PPM1A: variants seen among roughly 807,000 people sequenced by gnomAD.
PPM1A encodes the protein protein phosphatase, Mg2+/Mn2+ dependent 1A, also known as protein phosphatase 1A.
Under a neutral mutation model 35.0 loss-of-function variants are expected in PPM1A, and 7 were observed. That is an observed-to-expected ratio of 0.20 (90% CI 0.11 to 0.38). The LOEUF is 0.38. Ranked by LOEUF, PPM1A falls within the 10% of genes least tolerant of loss-of-function variation. The pLI is 1.00. For synonymous variants in PPM1A, 153 were observed against 167.3 expected, an observed-to-expected ratio of 0.91 and a Z score of 0.66; for missense variants, 239 against 467.8, an observed-to-expected ratio of 0.51 and a Z score of 4.51.
intron 1 of PPM1A, among the ~76,000 whole-genome samples, chr14:60,274,109 G>A (rs1323501735): frequency 6.6e-6 from 1 of 152,154 alleles, no homozygotes; most frequent in African/African-American, 2.4e-5. Flanking sequence ...ATGTTTAATG[G>A]CTTGGGAGAT....
Position 60,291,464 on chromosome 14 carries a change from AT to A in PPM1A, c.1119+14del. On this transcript the variant is annotated intron_variant, in intron 5 of 5. Coordinates refer to ENST00000395076, the MANE Select transcript of PPM1A (RefSeq NM_021003.5). The stretch of plus-strand genomic sequence containing the variant: ...CAAAAATGACGACACTGTAAGTAGC[AT>A]TTTAGCTCCCTCTGCTTTCCCTTCC... 1 of 1,566,996 alleles carries A rather than the reference AT, an allele frequency of 6.4e-7. No individual in the cohort carries two copies. The highest frequency in any genetic ancestry group is 8.7e-7 in the Non-Finnish European group (1 of 1,148,400).
At chr14:60,286,822 A>G (rs1337183495) in intron 3 of PPM1A, 1 of 983,154 alleles carries the variant, frequency 1.0e-6, no homozygotes, top group Non-Finnish European at 1.2e-6. Context: ...TACATCTAGT[A>G]TGTGTTTGTA....
upstream of PPM1A, among the ~76,000 whole-genome samples, chr14:60,247,503 G>C (rs934807797): frequency 1.3e-5 from 2 of 151,720 alleles, no homozygotes; most frequent in African/African-American, 4.8e-5. Flanking sequence ...GGTGGCAGGC[G>C]CCTGTAGTCC....
At chr14:60,290,192 A>G (rs948103673) in intron 4 of PPM1A, among the ~76,000 whole-genome samples, 2 of 152,216 alleles carry the variant, frequency 1.3e-5, no homozygotes, top group Non-Finnish European at 2.9e-5. Flanking sequence ...TACTGAAAGA[A>G]CTTTTTAAAC....
chr14:60,257,596 T>C (rs1883280852), intron 1 of PPM1A, among the ~76,000 whole-genome samples: 1 of 152,214 alleles, frequency 6.6e-6, no homozygotes, highest in Admixed American at 6.5e-5. Flanking sequence ...AAAGAATATG[T>C]TATTCAAGAA....
upstream of PPM1A, chr14:60,245,768 G>C: frequency 7.8e-7 from 1 of 1,278,132 alleles, no homozygotes; most frequent in African/African-American, 1.5e-5. The surrounding 1 kb of genome is among the most constrained non-coding windows in gnomAD (Gnocchi z 4.2). Flanking sequence ...TTATGATGTA[G>C]GGGAGGGAGG....
rs1317198518 is a variant in PPM1A, at chr14:60,282,344, C to T, written c.-20-340C>T. On this transcript the variant is annotated intron_variant, in intron 1 of 5. Transcript: ENST00000395076. This position sits in a 1 kb window ranked among gnomAD's most constrained non-coding sequence, Gnocchi z 5.1. ...TGGCTTTTCTTAATTGATATACATACAACTTAGTCCTGAGCTTACACATGT... is the reference window on the plus strand; with the variant it reads ...TGGCTTTTCTTAATTGATATACATATAACTTAGTCCTGAGCTTACACATGT... Among the ~76,000 whole-genome samples, 1 of 152,222 alleles carries T rather than the reference C, an allele frequency of 6.6e-6. No individual in the cohort carries two copies. The highest frequency in any genetic ancestry group is 2.4e-5 in the African/African-American group (1 of 41,442).
chr14:60,285,539 C>G (rs1210955398), intron 2 of PPM1A, 85 bp from the exon 3 acceptor site: 1 of 1,351,702 alleles, frequency 7.4e-7, no homozygotes, highest in Non-Finnish European at 1.0e-6. Context: ...ACAAGTATAA[C>G]TGTAATTGGC....
intron 4 of PPM1A, 106 bp downstream of exon 4, chr14:60,290,020 T>C (rs769404549): frequency 2.7e-6 from 2 of 747,538 alleles, no homozygotes; most frequent in Non-Finnish European, 4.2e-6. Flanking sequence ...GATGCAGTTA[T>C]CTGTGTTTTA....
At chr14:60,263,612 T>G (rs2139395909) in intron 1 of PPM1A, among the ~76,000 whole-genome samples, 1 of 152,300 alleles carries the variant, frequency 6.6e-6, no homozygotes, top group South Asian at 2.1e-4. Flanking sequence ...AGTGTACCCA[T>G]CACCCAAATA....
intron 3 of PPM1A, chr14:60,287,243 G>C: frequency 1.0e-6 from 1 of 959,080 alleles, no homozygotes; most frequent in African/African-American, 1.8e-5. Flanking sequence ...ACGTTATTTT[G>C]TTACAATAAT....
In PPM1A at chr14:60,289,844, G is replaced by A. The variant is rs139415594; in HGVS notation, c.991G>A (p.Val331Ile). 4.4e-5 allele frequency: 70 copies of A among 1,604,510 alleles called. No homozygotes were observed. Among genetic ancestry groups the A allele is most frequent in the Middle Eastern group, 1.7e-4 (1 of 6,056 alleles). ...GCAGGGGGAAGGCGTCCCCGACTTA[G>A]TCCATGTGATGCGCACATTAGCGAG... ...KKQGEGVPDLVHVMRTLASEN... is the reference protein window; with the variant it reads ...KKQGEGVPDLIHVMRTLASEN... Residue 331 changes from valine (V) to isoleucine (I), a missense_variant, in exon 4 of 6, where the codon GTC becomes ATC. Transcript: ENST00000395076. This position sits in a 1 kb window ranked among gnomAD's most constrained non-coding sequence, Gnocchi z 4.1.
intron 3 of PPM1A, chr14:60,286,814 C>A: frequency 1.0e-6 from 1 of 982,512 alleles, no homozygotes; most frequent in Non-Finnish European, 1.2e-6. Flanking sequence ...GATAGTCATA[C>A]ATCTAGTATG....
rs1010312388 is a variant in PPM1A, at chr14:60,286,288, T to C, written c.952+547T>C. ...CATAAACTGTCTCACCTAAACAAGA[T>C]AGACCTCAATAAAAGACATAATATT... On this transcript the variant is annotated intron_variant, in intron 3 of 5. Coordinates refer to ENST00000395076, the MANE Select transcript of PPM1A (RefSeq NM_021003.5). The C allele has an allele frequency of 1.7e-5, 17 of 985,732 alleles. No individual in the cohort carries two copies. The African/African-American group carries it at 2.8e-4, about 16-fold the overall frequency. 61.1% of individuals were successfully genotyped at this position (985,732 alleles called of 1,614,324 possible).
In PPM1A at chr14:60,283,659, G is replaced by A; in HGVS notation, c.834+122G>A. ...GTTTTTGGCACAACTGTAGGATACT[G>A]TTCACCAATTATGAAAATATATCAT... On this transcript the variant is annotated intron_variant, in intron 2 of 5. Coordinates refer to ENST00000395076, the MANE Select transcript of PPM1A (RefSeq NM_021003.5). This position sits in a 1 kb window ranked among gnomAD's most constrained non-coding sequence, Gnocchi z 6.3. The A allele has an allele frequency of 1.1e-6, 1 of 922,886 alleles. No individual in the cohort carries two copies. 57.2% of individuals were successfully genotyped at this position (922,886 alleles called of 1,614,324 possible).
chr14:60,286,716 TAATC>T, intron 3 of PPM1A: 1 of 984,232 alleles, frequency 1.0e-6, no homozygotes, highest in South Asian at 4.7e-5. Flanking sequence ...ATACCAATCA[TAATC>T]AGTCTGATAC....
At chr14:60,269,531 T>G (rs1158662778) in intron 1 of PPM1A, among the ~76,000 whole-genome samples, 1 of 152,074 alleles carries the variant, frequency 6.6e-6, no homozygotes, top group Non-Finnish European at 1.5e-5. Flanking sequence ...TCTTTTTTCT[T>G]TTTCTTTTTT....
At chr14:60,252,660 A>T (rs114241791) in intron 1 of PPM1A, among the ~76,000 whole-genome samples, 3 of 152,164 alleles carry the variant, frequency 2.0e-5, no homozygotes, top group Non-Finnish European at 4.4e-5. Flanking sequence ...TTATTTTGCT[A>T]TTAGCCAAGA....
At chr14:60,291,601 C>A in intron 5 of PPM1A, 147 bp downstream of exon 5, 1 of 510,862 alleles carries the variant, frequency 2.0e-6, no homozygotes, top group East Asian at 3.4e-5. Context: ...TTGCTCTGAT[C>A]TCTGCCTGCA....
Sources: gnomAD v4.1 joint callset for allele counts (sites outside exome capture counted in the v4.1 genomes callset) on GRCh38, gnomAD v4.1.1 for gene constraint, Gnocchi (gnomAD v3.1) non-coding constraint, MANE v1.5 for transcripts, NCBI Gene and HGNC (gene_info 2026-07-23, HGNC 2026-07-21) for gene names.